The following DAB1 variants were observed in gnomAD, a reference collection of about 807,000 sequenced individuals.
DAB1 encodes the protein DAB adaptor protein 1.
DAB1 carries 15 observed loss-of-function variants against 64.6 expected under a neutral mutation model. That is an observed-to-expected ratio of 0.23 (90% CI 0.16 to 0.36). DAB1 has a LOEUF of 0.36. Among genes scored for constraint, DAB1 ranks in the 10% least tolerant of loss-of-function variants. DAB1 has a pLI of 1.00. For synonymous variants in DAB1, 235 were observed against 251.9 expected, an observed-to-expected ratio of 0.93 and a Z score of 0.64; for missense variants, 596 against 706.7, an observed-to-expected ratio of 0.84 and a Z score of 1.78.
chr1:57,668,662 A>C (rs1027476227), intron 6 of DAB1, among the ~76,000 whole-genome samples: 10 of 152,216 alleles, frequency 6.6e-5, no homozygotes, highest in Non-Finnish European at 1.0e-4. Context: ...AACATCATAT[A>C]ACATTGCCTC....
chr1:57,325,318 G>A (rs901756098), intron 1 of DAB1, among the ~76,000 whole-genome samples: 5 of 152,166 alleles, frequency 3.3e-5, no homozygotes, highest in African/African-American at 1.2e-4. Context: ...AGTGGTCATC[G>A]GTGTTGGTAA....
intron 3 of DAB1, among the ~76,000 whole-genome samples, chr1:57,138,597 C>T (rs2100802720): frequency 6.6e-6 from 1 of 152,302 alleles, no homozygotes; most frequent in South Asian, 2.1e-4. Flanking sequence ...TCCCTCCCCG[C>T]ATTCAATGGT....
At chr1:57,874,983 C>T (rs1386149990) in intron 1 of DAB1, 1 of 152,148 alleles carries the variant, frequency 6.6e-6, no homozygotes, top group Non-Finnish European at 1.5e-5. Flanking sequence ...ATGGTGAACC[C>T]GGCTTTGAAA....
intron 2 of DAB1, among the ~76,000 whole-genome samples, chr1:57,202,470 A>G (rs1446801678): frequency 2.0e-5 from 3 of 152,192 alleles, no homozygotes; most frequent in Admixed American, 2.0e-4. Flanking sequence ...GTCTGTAACT[A>G]AGATCCGTTT....
At chr1:57,504,636 G>C (rs929863734) in intron 7 of DAB1, among the ~76,000 whole-genome samples, 3 of 152,134 alleles carry the variant, frequency 2.0e-5, no homozygotes, top group African/African-American at 7.2e-5. Context: ...AAGAAGTAGA[G>C]CAAAACTTCA....
At chr1:57,040,721 C>T (rs185544014) in intron 9 of DAB1, among the ~76,000 whole-genome samples, 3 of 152,340 alleles carry the variant, frequency 2.0e-5, no homozygotes, top group African/African-American at 4.8e-5. Flanking sequence ...CTCTTCCTAT[C>T]TCCTTTTTCC....
At chr1:57,912,668 T>C (rs968110198) in intron 5 of DAB1, among the ~76,000 whole-genome samples, 4 of 152,190 alleles carry the variant, frequency 2.6e-5, no homozygotes, top group African/African-American at 4.8e-5. Context: ...TGTTTGCAGA[T>C]GACATGATTG....
chr1:57,909,868 C>T (rs930278140), intron 5 of DAB1, among the ~76,000 whole-genome samples: 2 of 152,134 alleles, frequency 1.3e-5, no homozygotes, highest in African/African-American at 4.8e-5. Context: ...ACTGAAGGTC[C>T]GGGTCATTTC....
intron 7 of DAB1, among the ~76,000 whole-genome samples, chr1:57,489,561 G>T (rs1364722856): frequency 6.6e-6 from 1 of 152,066 alleles, no homozygotes; most frequent in African/African-American, 2.4e-5. Context: ...TGACCCCTGT[G>T]GTTCGATTAC....
intron 7 of DAB1, among the ~76,000 whole-genome samples, chr1:57,481,388 CTTGT>C (rs911411173): frequency 2.0e-5 from 3 of 152,156 alleles, no homozygotes; most frequent in African/African-American, 7.2e-5. Context: ...CTTGGCTTCT[CTTGT>C]TTGTTTACTC....
At chr1:58,301,837 T>A (rs1260013963) in intron 4 of DAB1, among the ~76,000 whole-genome samples, 2 of 152,126 alleles carry the variant, frequency 1.3e-5, no homozygotes, top group Admixed American at 6.6e-5. Context: ...TCCTCATCTG[T>A]AAAATAAGAA....
At chr1:58,396,178 G>A (rs1188626341) in intron 3 of DAB1, among the ~76,000 whole-genome samples, 1 of 151,990 alleles carries the variant, frequency 6.6e-6, no homozygotes, top group Non-Finnish European at 1.5e-5. Flanking sequence ...GGATGTGCTG[G>A]GCTCACACTT....
intron 4 of DAB1, among the ~76,000 whole-genome samples, chr1:58,320,528 T>A (rs980207492): frequency 6.6e-6 from 1 of 152,222 alleles, no homozygotes; most frequent in Non-Finnish European, 1.5e-5. Flanking sequence ...TAAGTGTCAG[T>A]GCTGGGGTTG....
intron 14 of DAB1, among the ~76,000 whole-genome samples, chr1:57,008,526 C>G (rs1373624395): frequency 6.6e-6 from 1 of 152,106 alleles, no homozygotes; most frequent in African/African-American, 2.4e-5. Flanking sequence ...ACATATATCA[C>G]TTTATTTAGT....
intron 5 of DAB1, among the ~76,000 whole-genome samples, chr1:57,940,805 G>A (rs1645093047): frequency 6.6e-6 from 1 of 152,184 alleles, no homozygotes; most frequent in Non-Finnish European, 1.5e-5. Flanking sequence ...GGCAAAGTGT[G>A]TGAGGCTCCC....
chr1:57,089,375 C>T (rs1224826633), intron 4 of DAB1, among the ~76,000 whole-genome samples: 1 of 152,074 alleles, frequency 6.6e-6, no homozygotes. Context: ...TAATTTATAA[C>T]AAAAAGATAC....
At chr1:57,994,972 C>T (rs1305412328) in intron 5 of DAB1, among the ~76,000 whole-genome samples, 2 of 152,140 alleles carry the variant, frequency 1.3e-5, no homozygotes, top group Non-Finnish European at 2.9e-5. Context: ...GTCAGAATTA[C>T]CGGAGCAGAG....
At chr1:57,533,120 T>C (rs946372136) in intron 7 of DAB1, among the ~76,000 whole-genome samples, 1 of 152,122 alleles carries the variant, frequency 6.6e-6, no homozygotes, top group Non-Finnish European at 1.5e-5. Context: ...CAGAGGATAA[T>C]ACATTTTCCA....
At chr1:57,709,764 C>G (rs1647006333) in intron 6 of DAB1, among the ~76,000 whole-genome samples, 1 of 151,934 alleles carries the variant, frequency 6.6e-6, no homozygotes, top group African/African-American at 2.4e-5. Flanking sequence ...ATCTGGCCAC[C>G]CCACCCCCCA....
Sources: allele counts gnomAD v4.1 joint callset (sites outside exome capture counted in the v4.1 genomes callset), GRCh38; gene constraint gnomAD v4.1.1; transcripts MANE v1.5; gene names NCBI Gene and HGNC (gene_info 2026-07-23, HGNC 2026-07-21).